Variants in GABRB1 observed in about 807,000 individuals in gnomAD.
The protein encoded by GABRB1 is gamma-aminobutyric acid type A receptor subunit beta1, also known as gamma-aminobutyric acid receptor subunit beta-1.
Under a neutral mutation model 51.6 loss-of-function variants are expected in GABRB1, and 17 were observed. The ratio of observed to expected loss-of-function variants is 0.33; its 90% CI spans 0.23 to 0.49. GABRB1 has a LOEUF of 0.49. Ranked by LOEUF, GABRB1 falls within the 20% of genes least tolerant of loss-of-function variation. GABRB1 has a pLI of 0.99. For missense variants in GABRB1, 410 were observed against 600.6 expected, an observed-to-expected ratio of 0.68 and a Z score of 3.32; for synonymous variants, 247 against 218.9, an observed-to-expected ratio of 1.13 and a Z score of -1.14.
At chr4:47,328,116 G>T (rs971785556) in intron 5 of GABRB1, among the ~76,000 whole-genome samples, 1 of 152,100 alleles carries the variant, frequency 6.6e-6, no homozygotes, top group Non-Finnish European at 1.5e-5. Context: ...CTTCTTTTGC[G>T]AAGTGTCTGT....
intron 3 of GABRB1, among the ~76,000 whole-genome samples, chr4:47,042,039 G>C (rs575870908): frequency 1.3e-5 from 2 of 151,930 alleles, no homozygotes; most frequent in South Asian, 4.2e-4. Flanking sequence ...TACATATAAA[G>C]GTCTTCCTAA....
chr4:47,366,263 TGA>T (rs1443049988), intron 5 of GABRB1, among the ~76,000 whole-genome samples: 15 of 152,188 alleles, frequency 9.9e-5, no homozygotes, highest in Non-Finnish European at 1.2e-4. Flanking sequence ...TGCATGCAGG[TGA>T]GTCTCCATAA....
chr4:47,133,304 C>T (rs1716504043), intron 3 of GABRB1, among the ~76,000 whole-genome samples: 1 of 152,126 alleles, frequency 6.6e-6, no homozygotes, highest in Admixed American at 6.5e-5. Context: ...TTCCCTATTA[C>T]AATATTTAAA....
At chr4:47,305,138 G>A (rs1366221292) in intron 4 of GABRB1, among the ~76,000 whole-genome samples, 2 of 152,146 alleles carry the variant, frequency 1.3e-5, no homozygotes, top group South Asian at 2.1e-4. Flanking sequence ...TAGACTATTC[G>A]ATGTGTATAC....
intron 4 of GABRB1, among the ~76,000 whole-genome samples, chr4:47,191,224 G>T (rs888461128): frequency 6.6e-6 from 1 of 152,152 alleles, no homozygotes; most frequent in Admixed American, 6.5e-5. Context: ...TCTTCTTGCA[G>T]TTATTGCAAC....
At chr4:47,011,052 G>C (rs1724567772) in intron 1 of GABRB1, among the ~76,000 whole-genome samples, 1 of 152,128 alleles carries the variant, frequency 6.6e-6, no homozygotes, top group Non-Finnish European at 1.5e-5. Context: ...TAACACGTTG[G>C]TGTGAATAAG....
At chr4:47,111,543 T>C (rs1715210126) in intron 3 of GABRB1, among the ~76,000 whole-genome samples, 1 of 152,084 alleles carries the variant, frequency 6.6e-6, no homozygotes, top group South Asian at 2.1e-4. Context: ...GCCATTCAGT[T>C]GCGTGTCAAA....
At chr4:47,032,608 C>A (rs1040341599) in intron 3 of GABRB1, 124 bp downstream of exon 3, 2 of 875,282 alleles carry the variant, frequency 2.3e-6, no homozygotes, top group Admixed American at 3.7e-5. Flanking sequence ...CCACTCCGCA[C>A]CCGCTCCCCG....
chr4:47,008,242 G>C (rs912103049), intron 1 of GABRB1, among the ~76,000 whole-genome samples: 12 of 152,078 alleles, frequency 7.9e-5, no homozygotes, highest in Non-Finnish European at 1.3e-4. Flanking sequence ...AACTAGAGAT[G>C]ATCATTGTGG....
intron 3 of GABRB1, among the ~76,000 whole-genome samples, chr4:47,127,906 G>T (rs990718266): frequency 6.6e-6 from 1 of 151,194 alleles, no homozygotes; most frequent in Non-Finnish European, 1.5e-5. Flanking sequence ...AAAATATAAC[G>T]CTAAAAGTTT....
intron 4 of GABRB1, among the ~76,000 whole-genome samples, chr4:47,311,098 A>T (rs892751791): frequency 3.3e-5 from 5 of 151,214 alleles, no homozygotes; most frequent in African/African-American, 1.2e-4. Flanking sequence ...AAAAGAAAAA[A>T]AGATGAAGTC....
At chr4:47,200,175 T>G (rs1355027206) in intron 4 of GABRB1, among the ~76,000 whole-genome samples, 1 of 152,190 alleles carries the variant, frequency 6.6e-6, no homozygotes, top group Admixed American at 6.6e-5. Flanking sequence ...ACCAATCGAT[T>G]GTTGGTCCTG....
At chr4:47,314,437 T>C (rs1724811943) in intron 4 of GABRB1, among the ~76,000 whole-genome samples, 1 of 152,040 alleles carries the variant, frequency 6.6e-6, no homozygotes, top group Admixed American at 6.6e-5. Context: ...TGGTTCAATA[T>C]TATATTTCAA....
rs148709616 is a variant in GABRB1, at chr4:47,252,652, C to A, written c.462-67475C>A. 1.6e-3 allele frequency among the ~76,000 whole-genome samples: 242 copies of A among 151,754 alleles called. 2 individuals carry two copies. Among genetic ancestry groups the A allele is most frequent in the Middle Eastern group, 3.4e-3 (1 of 294 alleles). On this transcript the variant is annotated intron_variant, in intron 4 of 8. Transcript: ENST00000295454. ...CCTCCCAAGTAGCTGGGGTTACAGG[C>A]ACCCACCACCATGCCTGGCTAATTT...
At chr4:47,035,561 A>C (rs1205047168) in intron 3 of GABRB1, among the ~76,000 whole-genome samples, 1 of 152,150 alleles carries the variant, frequency 6.6e-6, no homozygotes, top group Non-Finnish European at 1.5e-5. Context: ...CTAAACTGTC[A>C]TCTTAAAAAA....
At chr4:47,233,621 TGTAA>T (rs1246917877) in intron 4 of GABRB1, among the ~76,000 whole-genome samples, 9 of 152,318 alleles carry the variant, frequency 5.9e-5, no homozygotes, top group East Asian at 1.9e-4. Context: ...TCCTTATATA[TGTAA>T]GTGTCAACTG....
At chr4:47,202,896 A>T (rs952552412) in intron 4 of GABRB1, among the ~76,000 whole-genome samples, 1 of 152,212 alleles carries the variant, frequency 6.6e-6, no homozygotes, top group East Asian at 1.9e-4. Context: ...ATATAAAATA[A>T]AGGCCCCAGA....
chr4:47,156,863 G>A (rs1447656930), intron 3 of GABRB1, among the ~76,000 whole-genome samples: 1 of 152,030 alleles, frequency 6.6e-6, no homozygotes, highest in Non-Finnish European at 1.5e-5. Flanking sequence ...AGCTATTCAG[G>A]AGGCTGAGGC....
intron 4 of GABRB1, among the ~76,000 whole-genome samples, chr4:47,305,461 G>A (rs1277565438): frequency 1.3e-5 from 2 of 152,004 alleles, no homozygotes; most frequent in Non-Finnish European, 2.9e-5. Flanking sequence ...TGATTTCAGT[G>A]TTTCCTTAGT....
Sources: allele counts gnomAD v4.1 joint callset (sites outside exome capture counted in the v4.1 genomes callset), GRCh38; gene constraint gnomAD v4.1.1; transcripts MANE v1.5; gene names NCBI Gene and HGNC (gene_info 2026-07-23, HGNC 2026-07-21).